The following ALX3 variants were observed in gnomAD, a reference collection of about 807,000 sequenced individuals.
ALX3 encodes the protein ALX homeobox 3.
In ALX3, 17 loss-of-function variants were observed where a neutral mutation model predicts 26.3. The ratio of observed to expected loss-of-function variants is 0.65; its 90% confidence interval spans 0.44 to 0.97. The LOEUF (loss-of-function observed/expected upper bound fraction) is 0.97. Among genes scored for constraint, ALX3 ranks in the 50% least tolerant of loss-of-function variants. The pLI is 0.00. For missense variants in ALX3, 461 were observed against 466.5 expected (o/e 0.99, Z 0.11); for synonymous variants, 208 against 201.4 (o/e 1.03, Z -0.28).
chr1:110,061,073 C>T, intron 3 of ALX3, 32 bp from the exon 4 acceptor site: 6 of 1,581,228 alleles, frequency 3.8e-6, no homozygotes, highest in Non-Finnish European at 5.2e-6. Context: ...GCCCATGAGC[C>T]TGTAGCCTCA....
chr1:110,064,197 C>A (rs539632274), intron 2 of ALX3, among the ~76,000 whole-genome samples: 2 of 152,206 alleles, frequency 1.3e-5, no homozygotes, highest in Non-Finnish European at 2.9e-5. Flanking sequence ...TTCCAAAATG[C>A]GGCCATCCCT....
chr1:110,060,778 C>T lies in ALX3; in HGVS notation c.987G>A (p.Arg329=), dbSNP rs780095146. The part of the protein sequence containing the change: ...DYKSPSLVSL[R]VKPKEPPGLL... ...GGCCGGGTGGCTCCTTGGGCTTTAC[C>T]CTGAGCGAGACGAGGCTTGGAGACT... The change falls in exon 4 of 4, where the codon AGG becomes AGA. Residue 329 remains arginine, a synonymous_variant. Coordinates refer to ENST00000647563, the MANE Select transcript of ALX3 (RefSeq NM_006492.3). The T allele has an allele frequency of 2.6e-6, 4 of 1,529,024 alleles. No individual in the cohort carries two copies. In the South Asian group the frequency reaches 5.5e-5, roughly 21 times the overall value. The allele number at this position is 1,529,024 out of a possible 1,614,324, so 94.7% of individuals were successfully genotyped here. A position where few individuals can be genotyped will look rare whatever the true frequency, so the allele number is the denominator to read the frequency against.
At chr1:110,070,185 G>T (rs1469145164) in intron 1 of ALX3, 151 bp downstream of exon 1, 1 of 912,548 alleles carries the variant, frequency 1.1e-6, no homozygotes, top group Non-Finnish European at 1.4e-6. Flanking sequence ...GCGCCAACCC[G>T]GCTTCCGTGG....
chr1:110,061,246 G>T, intron 3 of ALX3, 189 bp downstream of exon 3: 1 of 1,122,966 alleles, frequency 8.9e-7, no homozygotes, highest in Non-Finnish European at 1.3e-6. Flanking sequence ...ATTTTCTTCT[G>T]TGATTCCTTT....
At chr1:110,063,167 G>A (rs1404314059) in intron 2 of ALX3, among the ~76,000 whole-genome samples, 3 of 152,180 alleles carry the variant, frequency 2.0e-5, no homozygotes, top group Non-Finnish European at 2.9e-5. Context: ...AAAGGCCTAG[G>A]AGAGGAGCAG....
intron 1 of ALX3, among the ~76,000 whole-genome samples, chr1:110,068,064 C>T (rs1273038106): frequency 6.6e-6 from 1 of 152,210 alleles, no homozygotes; most frequent in African/African-American, 2.4e-5. Context: ...AGCGCCAGCA[C>T]GCAGCCTGGG....
chr1:110,062,645 G>GCGCGCGCGCGCGCGC (rs57279963), intron 2 of ALX3: 3 of 132,298 alleles, frequency 2.3e-5, no homozygotes, highest in African/African-American at 8.5e-5. Flanking sequence ...GTGTGTGTGT[G>GCGCGCGCGCGCGCGC]GAGTAATCCG....
chr1:110,064,282 G>T (rs1371473458), intron 2 of ALX3, among the ~76,000 whole-genome samples: 1 of 152,208 alleles, frequency 6.6e-6, no homozygotes, highest in African/African-American at 2.4e-5. Context: ...GAGACTGAGA[G>T]ATCTATTAAC....
Position 110,070,626 on chromosome 1 carries a change from G to T in ALX3, c.-14C>A. On this transcript the variant is annotated 5_prime_UTR_variant, in exon 1 of 4. Transcript: ENST00000647563. ...CTCGGGGTCCATGCCGGCTCAGGGC[G>T]CACAGGCCTCCGGGGCTCCGGGGCT... 1 of 1,219,692 alleles carries T rather than the reference G, an allele frequency of 8.2e-7. No individual in the cohort carries two copies. Among genetic ancestry groups the T allele is most frequent in the Non-Finnish European group, 1.0e-6 (1 of 980,468 alleles). 75.6% of individuals were successfully genotyped at this position (1,219,692 alleles called of 1,614,324 possible).
At position 110,060,784 on chromosome 1, in the gene ALX3, C is replaced by G. The variant is rs139199337; in HGVS notation, c.981G>C (p.Ser327=). The G allele has an allele frequency of 6.2e-7, 1 of 1,612,684 alleles. No individual in the cohort carries two copies. The highest frequency in any genetic ancestry group is 1.3e-5 in the African/African-American group (1 of 75,034). Residue 327 remains serine (S), a synonymous_variant, in exon 4 of 4, where the codon TCG becomes TCC. Coordinates refer to ENST00000647563, the MANE Select transcript of ALX3 (RefSeq NM_006492.3). The part of the protein sequence containing the change: ...DGDYKSPSLV[S]LRVKPKEPPG... Reference sequence around the variant, plus strand: ...GTGGCTCCTTGGGCTTTACCCTGAGCGAGACGAGGCTTGGAGACTTATAGT... The same window carrying G: ...GTGGCTCCTTGGGCTTTACCCTGAGGGAGACGAGGCTTGGAGACTTATAGT...
In ALX3 at chr1:110,060,734, C is replaced by T. The variant is rs1653615331; in HGVS notation, c.1031G>A (p.Ter344=). 17 of 1,454,772 alleles carry T rather than the reference C, an allele frequency of 1.2e-5. No individual in the cohort carries two copies. Among genetic ancestry groups the T allele is most frequent in the Non-Finnish European group, 1.5e-5 (16 of 1,096,066 alleles). The allele number at this position is 1,454,772 out of a possible 1,614,324, so 90.1% of individuals were successfully genotyped here. A position where few individuals can be genotyped will look rare whatever the true frequency, so the allele number is the denominator to read the frequency against. ...CATTCTGCAGGTCCATGCAACCGAT[C>T]ACGTGGTCCAGTTCAGAAGGCCGGG... ...EPPGLLNWTT[*] Residue 344 remains the stop codon, a stop_retained_variant, in exon 4 of 4, where the codon TGA becomes TAA. Coordinates refer to ENST00000647563, the MANE Select transcript of ALX3 (RefSeq NM_006492.3).
At chr1:110,062,997 G>A (rs959621955) in intron 2 of ALX3, among the ~76,000 whole-genome samples, 3 of 152,266 alleles carry the variant, frequency 2.0e-5, no homozygotes, top group East Asian at 3.9e-4. Context: ...TGCATTATCT[G>A]GTGTGTAGTC....
rs752752086 is a variant in ALX3, at chr1:110,060,692, A to G, written c.*41T>C. On this transcript the variant is annotated 3_prime_UTR_variant, in exon 4 of 4. Coordinates refer to ENST00000647563, the MANE Select transcript of ALX3 (RefSeq NM_006492.3). ...TGGGCTGGGAGCGACTGGGAATGGA[A>G]AAAGAGGTGGGCAGCTCATTCTGCA... The G allele has an allele frequency of 1.8e-5, 12 of 668,866 alleles. No individual in the cohort carries two copies. The highest frequency in any genetic ancestry group is 2.3e-5 in the Non-Finnish European group (12 of 524,502). 41.4% of individuals were successfully genotyped at this position (668,866 alleles called of 1,614,324 possible).
intron 2 of ALX3, among the ~76,000 whole-genome samples, chr1:110,063,452 G>A (rs1165960663): frequency 6.6e-6 from 1 of 152,154 alleles, no homozygotes; most frequent in African/African-American, 2.4e-5. Flanking sequence ...CATCCTGTTG[G>A]ATGCAGCCGT....
chr1:110,064,433 G>T (rs1570937886), intron 2 of ALX3, among the ~76,000 whole-genome samples, 154 bp downstream of exon 2: 2 of 152,224 alleles, frequency 1.3e-5, no homozygotes, highest in South Asian at 4.1e-4. Context: ...AGCTGGGCAT[G>T]AGGGTGAGCC....
At chr1:110,067,015 G>A (rs923287365) in intron 1 of ALX3, among the ~76,000 whole-genome samples, 3 of 152,192 alleles carry the variant, frequency 2.0e-5, no homozygotes, top group East Asian at 1.9e-4. Flanking sequence ...AAGGGACCAC[G>A]GAACTGCTCT....
chr1:110,066,235 AC>A (rs1218742391), intron 1 of ALX3, among the ~76,000 whole-genome samples: 1 of 152,174 alleles, frequency 6.6e-6, no homozygotes, highest in East Asian at 1.9e-4. Flanking sequence ...GTGGTCAGTT[AC>A]TTTCCAGGAC....
In ALX3 at chr1:110,060,663, G is replaced by GTGGTGCTTCCTCCGTGGTGTCC; in HGVS notation, c.*69_*70insGGACACCACGGAGGAAGCACCA. ...CAGAACCATCTGGGGCTTGGAGGCA[G>GTGGTGCTTCCTCCGTGGTGTCC]AGGTGGGCTGGGAGCGACTGGGAAT... On this transcript the variant is annotated 3_prime_UTR_variant, in exon 4 of 4. Transcript: ENST00000647563. The GTGGTGCTTCCTCCGTGGTGTCC allele has an allele frequency of 1.3e-6, 2 of 1,495,674 alleles. No homozygotes were observed. The highest frequency in any genetic ancestry group is 1.8e-6 in the Non-Finnish European group (2 of 1,104,984). 92.7% of individuals were successfully genotyped at this position (1,495,674 alleles called of 1,614,324 possible).
chr1:110,070,374 G>A lies in ALX3; in HGVS notation c.239C>T (p.Ala80Val), dbSNP rs1653888918. Reference protein sequence around the residue: ...KYLQDLGPGPALNGGHFYEGP... With the variant: ...KYLQDLGPGPVLNGGHFYEGP... The stretch of plus-strand genomic sequence containing the variant: ...CTCGTAGAAGTGGCCGCCGTTGAGG[G>A]CCGGGCCGGGCCCGAGGTCCTGCAG... Residue 80 changes from alanine to valine, a missense_variant, in exon 1 of 4, where the codon GCC becomes GTC. This residue lies in a region of ALX3 where 241 missense variants were observed against 206.1 expected (regional missense o/e 1.17). Coordinates refer to ENST00000647563, the MANE Select transcript of ALX3 (RefSeq NM_006492.3). 5 of 1,287,942 alleles carry A rather than the reference G, an allele frequency of 3.9e-6. No homozygotes were observed. In the East Asian group the frequency reaches 1.4e-4, roughly 37 times the overall value. 79.8% of individuals were successfully genotyped at this position (1,287,942 alleles called of 1,614,324 possible). A position where few individuals can be genotyped will look rare whatever the true frequency, so the allele number is the denominator to read the frequency against.
Sources: allele counts gnomAD v4.1 joint callset (sites outside exome capture counted in the v4.1 genomes callset), GRCh38; gene constraint gnomAD v4.1.1; regional missense constraint gnomAD v4.1.1; transcripts MANE v1.5; gene names NCBI Gene and HGNC (gene_info 2026-07-23, HGNC 2026-07-21).